DAW1: variants seen among roughly 807,000 people sequenced by gnomAD.
DAW1 encodes dynein assembly factor with WD repeat domains 1.
DAW1 carries 47 observed loss-of-function variants against 56.5 expected under a neutral mutation model. The ratio of observed to expected loss-of-function variants is 0.83; its 90% confidence interval spans 0.66 to 1.06. The LOEUF is 1.06. DAW1 is among the 50% of genes least tolerant of loss of function. DAW1 has a pLI of 0.00. For missense variants in DAW1, 505 were observed against 499.3 expected, an observed-to-expected ratio of 1.01 and a Z score of -0.11; for synonymous variants, 190 against 179.0, an observed-to-expected ratio of 1.06 and a Z score of -0.49.
At chr2:227,915,389 T>G (rs1559314098) in intron 10 of DAW1, among the ~76,000 whole-genome samples, 1 of 152,116 alleles carries the variant, frequency 6.6e-6, no homozygotes, top group East Asian at 1.9e-4. Context: ...GTATATGCTA[T>G]TCTATATTTG....
At chr2:227,891,729 G>C (rs1410719421) in intron 4 of DAW1, among the ~76,000 whole-genome samples, 1 of 152,186 alleles carries the variant, frequency 6.6e-6, no homozygotes, top group African/African-American at 2.4e-5. Context: ...GACGTGCTAG[G>C]TAGGAGAGAT....
intron 1 of DAW1, among the ~76,000 whole-genome samples, chr2:227,877,620 G>T (rs78842301): frequency 6.6e-6 from 1 of 152,244 alleles, no homozygotes; most frequent in East Asian, 1.9e-4. Flanking sequence ...AGACCAGGGG[G>T]ATGGTTTTGG....
chr2:227,899,286 A>G (rs1299744802), intron 6 of DAW1, among the ~76,000 whole-genome samples: 2 of 152,188 alleles, frequency 1.3e-5, no homozygotes, highest in African/African-American at 2.4e-5. Flanking sequence ...CTTTCCCTCC[A>G]TTTCTGGCCT....
At chr2:227,878,750 G>A (rs1690943694) in intron 1 of DAW1, among the ~76,000 whole-genome samples, 1 of 73,450 alleles carries the variant, frequency 1.4e-5, no homozygotes, top group African/African-American at 4.6e-5. Flanking sequence ...AAAATATGTC[G>A]ATCCCTATCA....
In DAW1 at chr2:227,889,921, C is replaced by G; in HGVS notation, c.179C>G (p.Thr60Arg). Residue 60 changes from threonine (T) to arginine (R), a missense_variant, in exon 3 of 13, where the codon ACA becomes AGA. Coordinates refer to ENST00000309931, the MANE Select transcript of DAW1 (RefSeq NM_178821.3). ...GAACCTCTACTCACAGCTTCACGAACAGAGCAAGTCAAACTTTTGATACAG... is the reference window on the plus strand; with the variant it reads ...GAACCTCTACTCACAGCTTCACGAAGAGAGCAAGTCAAACTTTTGATACAG... Reference protein sequence around the residue: ...KAEPLLTASRTEQVKLLIQRL... With the variant: ...KAEPLLTASRREQVKLLIQRL... The G allele has an allele frequency of 3.1e-6, 5 of 1,610,008 alleles. No homozygotes were observed. Among genetic ancestry groups the G allele is most frequent in the Non-Finnish European group, 4.2e-6 (5 of 1,178,646 alleles).
intron 4 of DAW1, among the ~76,000 whole-genome samples, chr2:227,891,709 C>T (rs899710163): frequency 2.0e-5 from 3 of 152,228 alleles, no homozygotes; most frequent in African/African-American, 7.2e-5. Context: ...CTGTGATCAG[C>T]TTGGGAGCTG....
chr2:227,914,607 C>T (rs1691908301), intron 10 of DAW1, among the ~76,000 whole-genome samples: 2 of 152,016 alleles, frequency 1.3e-5, no homozygotes, highest in Admixed American at 1.3e-4. Flanking sequence ...ATTATGTCAT[C>T]CCCCTTATGC....
At chr2:227,911,768 G>T (rs1048815274) in intron 10 of DAW1, among the ~76,000 whole-genome samples, 2 of 152,070 alleles carry the variant, frequency 1.3e-5, no homozygotes, top group African/African-American at 4.8e-5. Context: ...TGTACTTTCT[G>T]TATCATCTTT....
intron 7 of DAW1, among the ~76,000 whole-genome samples, chr2:227,904,439 G>T (rs1371740311): frequency 6.6e-6 from 1 of 152,052 alleles, no homozygotes. Context: ...TCAGGCCAAA[G>T]GCAGGAATTT....
chr2:227,881,630 A>G (rs1019369036), intron 1 of DAW1, among the ~76,000 whole-genome samples: 1 of 152,080 alleles, frequency 6.6e-6, no homozygotes, highest in Non-Finnish European at 1.5e-5. Context: ...AATCTCAACC[A>G]GCAAACTTAT....
chr2:227,872,989 C>T (rs981781547), intron 1 of DAW1, among the ~76,000 whole-genome samples: 5 of 152,192 alleles, frequency 3.3e-5, no homozygotes, highest in East Asian at 1.9e-4. Context: ...GCTTAGAATA[C>T]GATCCGCAAC....
chr2:227,913,871 A>ATATCTATCTATCTATCTATCTATC (rs559993251), intron 10 of DAW1, among the ~76,000 whole-genome samples: 54 of 143,570 alleles, frequency 3.8e-4, no homozygotes, highest in African/African-American at 7.1e-4. Flanking sequence ...GACAGTCATC[A>ATATCTATCTATCTATCTATCTATC]TATCTATCTA....
chr2:227,888,581 G>A (rs1025025712), intron 2 of DAW1, among the ~76,000 whole-genome samples: 1 of 152,342 alleles, frequency 6.6e-6, no homozygotes, highest in East Asian at 1.9e-4. Flanking sequence ...AGAAGAGGCA[G>A]CCCTGGCCTG....
chr2:227,918,495 G>GT (rs1170143512), intron 10 of DAW1, among the ~76,000 whole-genome samples: 1 of 152,048 alleles, frequency 6.6e-6, no homozygotes, highest in Non-Finnish European at 1.5e-5. Context: ...TTCTCTTAAA[G>GT]TTTTTTCTTT....
intron 1 of DAW1, among the ~76,000 whole-genome samples, chr2:227,880,495 T>C (rs932606754): frequency 1.3e-5 from 2 of 152,126 alleles, no homozygotes; most frequent in Non-Finnish European, 2.9e-5. Context: ...AGGTCTTTAG[T>C]ACAAAAGAAC....
chr2:227,906,670 C>T (rs1691690916), intron 9 of DAW1, among the ~76,000 whole-genome samples: 1 of 152,074 alleles, frequency 6.6e-6, no homozygotes, highest in Non-Finnish European at 1.5e-5. Flanking sequence ...GTTTCCTTGT[C>T]CCTAAGTTTC....
intron 6 of DAW1, among the ~76,000 whole-genome samples, chr2:227,901,827 G>A (rs983955297): frequency 1.3e-5 from 2 of 152,070 alleles, no homozygotes; most frequent in Admixed American, 6.6e-5. Context: ...ATCAAGGGAG[G>A]ATTTACTCAA....
chr2:227,885,348 T>C lies in DAW1; in HGVS notation c.41-3T>C, dbSNP rs760272376. 1 of 1,584,204 alleles carries C rather than the reference T, an allele frequency of 6.3e-7. No homozygotes were observed. Among genetic ancestry groups the C allele is most frequent in the East Asian group, 2.3e-5 (1 of 43,964 alleles). Reference sequence around the variant, plus strand: ...TTTATAACATGTTTGTTTATTTCTATAGGAATTATGTTGGAATATGAAAAA... The same window carrying C: ...TTTATAACATGTTTGTTTATTTCTACAGGAATTATGTTGGAATATGAAAAA... On this transcript the variant is annotated splice_polypyrimidine_tract_variant and splice_region_variant and intron_variant, in intron 1 of 12. Coordinates refer to ENST00000309931, the MANE Select transcript of DAW1 (RefSeq NM_178821.3).
chr2:227,909,635 T>C (rs564465471), intron 10 of DAW1, among the ~76,000 whole-genome samples: 1 of 152,234 alleles, frequency 6.6e-6, no homozygotes, highest in South Asian at 2.1e-4. Flanking sequence ...GTGTAACTCT[T>C]AGTCTGAGGC....
Sources: allele counts gnomAD v4.1 joint callset (sites outside exome capture counted in the v4.1 genomes callset), GRCh38; gene constraint gnomAD v4.1.1; transcripts MANE v1.5; gene names NCBI Gene and HGNC (gene_info 2026-07-23, HGNC 2026-07-21).